Variants in GAB2 observed in about 807,000 individuals in gnomAD.
The protein encoded by GAB2 is GRB2 associated binding protein 2, also known as GRB2-associated-binding protein 2.
Under a neutral mutation model 65.5 loss-of-function variants are expected in GAB2, and 26 were observed. The ratio of observed to expected loss-of-function variants is 0.40; its 90% CI spans 0.29 to 0.55. The LOEUF (loss-of-function observed/expected upper bound fraction) is 0.55. GAB2 is among the 20% of genes least tolerant of loss of function. GAB2 has a pLI of 0.53. For missense variants in GAB2, 884 were observed against 875.8 expected (o/e 1.01, Z -0.12); for synonymous variants, 321 against 329.6 (o/e 0.97, Z 0.28).
At chr11:78,302,118 G>C (rs562314905) in intron 1 of GAB2, among the ~76,000 whole-genome samples, 1 of 152,166 alleles carries the variant, frequency 6.6e-6, no homozygotes, top group Non-Finnish European at 1.5e-5. Context: ...AACCCTTCTA[G>C]ACATTGGCTT....
intron 1 of GAB2, among the ~76,000 whole-genome samples, chr11:78,301,612 C>T (rs1299324182): frequency 1.3e-5 from 2 of 152,124 alleles, no homozygotes; most frequent in Non-Finnish European, 2.9e-5. Flanking sequence ...GGATTACAGG[C>T]GTGAGCCACC....
At chr11:78,414,420 G>C (rs1024634659) in intron 1 of GAB2, among the ~76,000 whole-genome samples, 1 of 152,126 alleles carries the variant, frequency 6.6e-6, no homozygotes, top group African/African-American at 2.4e-5. Context: ...TAGCCACTAG[G>C]GGGTAGTCTG....
Position 78,226,996 on chromosome 11 carries a change from C to T in GAB2, c.676G>A (p.Ala226Thr), listed in dbSNP as rs144734814. The change falls in exon 4 of 10, where the codon GCT becomes ACT. Residue 226 changes from alanine to threonine, a missense_variant. Transcript: ENST00000361507. ...TTGCCCTGGGCAAGTTTTTGTACAG[C>T]TGTGTCACTCCTCATGAGAAAAGAG... ...RASFLMRSDT[A>T]VQKLAQGNGH... The T allele has an allele frequency of 4.7e-4, 763 of 1,613,564 alleles. No homozygotes were observed. The highest frequency in any genetic ancestry group is 6.1e-4 in the Non-Finnish European group (716 of 1,179,886).
rs115588181 is a variant in GAB2 at position 78,218,987 on chromosome 11, G to A, written c.*285C>T. On this transcript the variant is annotated 3_prime_UTR_variant, in exon 10 of 10. Transcript: ENST00000361507. ...AGTCAGGTCTAAAGGACAGGAAGAGGCTGAAGGATGCTTTTTGGAAGTAGC... is the reference window on the plus strand; with the variant it reads ...AGTCAGGTCTAAAGGACAGGAAGAGACTGAAGGATGCTTTTTGGAAGTAGC... 3,247 of 395,468 alleles carry A rather than the reference G, an allele frequency of 8.2e-3. 60 individuals are homozygous for A. Among genetic ancestry groups the A allele is most frequent in the African/African-American group, 0.043 (2,117 of 49,366 alleles). The allele number at this position is 395,468 out of a possible 1,614,324, so 24.5% of individuals were successfully genotyped here. A position where few individuals can be genotyped will look rare whatever the true frequency, so the allele number is the denominator to read the frequency against.
chr11:78,285,666 C>T (rs1459546285), intron 1 of GAB2, among the ~76,000 whole-genome samples: 1 of 152,146 alleles, frequency 6.6e-6, no homozygotes, highest in African/African-American at 2.4e-5. Flanking sequence ...GGGGTTTCAC[C>T]ATGTTGGTCA....
chr11:78,289,565 A>G (rs1866592462), intron 1 of GAB2, among the ~76,000 whole-genome samples: 1 of 152,200 alleles, frequency 6.6e-6, no homozygotes, highest in Non-Finnish European at 1.5e-5. Context: ...AGTAACTTAC[A>G]ATATTTACAA....
rs1864066864 is a variant in GAB2, at chr11:78,215,339, ACAGT to A, written c.*3929_*3932del. ...GACTTTATTGTCCTGCTCCAACACC[ACAGT>A]AGAAAGGGACCTGCAAGCTCCAAGC... On this transcript the variant is annotated 3_prime_UTR_variant, in exon 10 of 10. Transcript: ENST00000361507. 1 of 152,568 alleles carries A rather than the reference ACAGT, an allele frequency of 6.6e-6. No individual in the cohort carries two copies. The highest frequency in any genetic ancestry group is 2.4e-5 in the African/African-American group (1 of 41,406). The allele number at this position is 152,568 out of a possible 1,614,324, so 9.5% of individuals were successfully genotyped here. A position where few individuals can be genotyped will look rare whatever the true frequency, so the allele number is the denominator to read the frequency against.
chr11:78,270,597 ATAT>A (rs1865984322), intron 2 of GAB2, among the ~76,000 whole-genome samples: 2 of 152,202 alleles, frequency 1.3e-5, no homozygotes, highest in African/African-American at 4.8e-5. Context: ...GATAGGAATG[ATAT>A]TATCAGCCCC....
chr11:78,228,629 G>A (rs891360053), intron 3 of GAB2, among the ~76,000 whole-genome samples: 2 of 152,152 alleles, frequency 1.3e-5, no homozygotes. Flanking sequence ...GTAAAGCCAG[G>A]CTTCCTCTCA....
chr11:78,300,698 T>TTG (rs1207170006), intron 1 of GAB2, among the ~76,000 whole-genome samples: 1 of 141,334 alleles, frequency 7.1e-6, no homozygotes, highest in Non-Finnish European at 1.5e-5. Flanking sequence ...TTTTTTTGTT[T>TTG]TTTTTTTTTT....
intron 1 of GAB2, among the ~76,000 whole-genome samples, chr11:78,353,053 A>G (rs1169082046): frequency 6.6e-6 from 1 of 152,156 alleles, no homozygotes; most frequent in Non-Finnish European, 1.5e-5. Context: ...AGTCCTCAAA[A>G]AGTGGTCCCC....
chr11:78,311,857 C>T (rs1427076794), intron 1 of GAB2, among the ~76,000 whole-genome samples: 4 of 152,062 alleles, frequency 2.6e-5, no homozygotes, highest in Middle Eastern at 3.2e-3. Context: ...AAGCTCAATC[C>T]CACCAGGTCA....
In GAB2 at chr11:78,373,887, CCTT is replaced by C. The variant is rs541292638; in HGVS notation, c.75+43756_75+43758del. On this transcript the variant is annotated intron_variant, in intron 1 of 9. Coordinates refer to ENST00000361507, the MANE Select transcript of GAB2 (RefSeq NM_080491.3). ...TCCTCTAAAACAAGGTTCTTTTTAT[CCTT>C]CTTTGCTGCTCCAGGCTAGCACAGT... Among the ~76,000 whole-genome samples, 326 of 152,222 alleles carry C rather than the reference CCTT, an allele frequency of 2.1e-3. 1 individual carries two copies. The highest frequency in any genetic ancestry group is 7.2e-3 in the African/African-American group (301 of 41,548).
At chr11:78,231,361 G>GTGTT (rs1864850153) in intron 3 of GAB2, among the ~76,000 whole-genome samples, 1 of 152,058 alleles carries the variant, frequency 6.6e-6, no homozygotes, top group Admixed American at 6.5e-5. Context: ...GTGTGTGTGT[G>GTGTT]TGTGTGTGTC....
chr11:78,396,884 A>G (rs1028502706), intron 1 of GAB2, among the ~76,000 whole-genome samples: 1 of 152,224 alleles, frequency 6.6e-6, no homozygotes, highest in Middle Eastern at 3.2e-3. Flanking sequence ...GGCGTGAGCC[A>G]CTGCACCCGG....
intron 2 of GAB2, among the ~76,000 whole-genome samples, chr11:78,265,767 C>G (rs1656199739): frequency 6.6e-6 from 1 of 152,140 alleles, no homozygotes; most frequent in Middle Eastern, 3.2e-3. Flanking sequence ...TCAGGTATCT[C>G]ACACTTTGTC....
chr11:78,324,108 T>G (rs1855780086), intron 1 of GAB2, among the ~76,000 whole-genome samples: 2 of 149,356 alleles, frequency 1.3e-5, no homozygotes, highest in African/African-American at 4.9e-5. Flanking sequence ...CCCTCTGAAT[T>G]TTTTTTTTTT....
intron 1 of GAB2, among the ~76,000 whole-genome samples, chr11:78,400,682 C>G (rs1392883012): frequency 6.6e-6 from 1 of 152,010 alleles, no homozygotes; most frequent in Non-Finnish European, 1.5e-5. Context: ...GCAGGTAGAT[C>G]ACTTGAGGCC....
At chr11:78,366,345 C>A (rs778010455) in intron 1 of GAB2, among the ~76,000 whole-genome samples, 1 of 151,846 alleles carries the variant, frequency 6.6e-6, no homozygotes, top group African/African-American at 2.4e-5. Context: ...TTTGGGAGGC[C>A]GAGGCAGGTG....
Sources: allele counts gnomAD v4.1 joint callset (sites outside exome capture counted in the v4.1 genomes callset), GRCh38; gene constraint gnomAD v4.1.1; transcripts MANE v1.5; gene names NCBI Gene and HGNC (gene_info 2026-07-23, HGNC 2026-07-21).